Variants in MYLK observed in about 807,000 individuals in gnomAD.
The protein encoded by MYLK is myosin light chain kinase, also known as myosin light chain kinase, smooth muscle.
Under a neutral mutation model 203.4 loss-of-function variants are expected in MYLK, and 106 were observed. The ratio of observed to expected loss-of-function variants is 0.52; its 90% confidence interval spans 0.45 to 0.61. The LOEUF (loss-of-function observed/expected upper bound fraction) is 0.61. Ranked by LOEUF, MYLK falls within the 20% of genes least tolerant of loss-of-function variation. The pLI is 0.00. For synonymous variants in MYLK, 867 were observed against 959.5 expected, an observed-to-expected ratio of 0.90 and a Z score of 1.78; for missense variants, 2,072 against 2,442.3, an observed-to-expected ratio of 0.85 and a Z score of 3.20.
At position 123,708,864 on chromosome 3, in the gene MYLK, G is replaced by A. The variant is rs770227731; in HGVS notation, c.1974C>T (p.His658=). 1 of 1,614,140 alleles carries A rather than the reference G, an allele frequency of 6.2e-7. No individual in the cohort carries two copies. The highest frequency in any genetic ancestry group is 1.1e-5 in the South Asian group (1 of 91,088). ...CTGACTCTTGGATCTCATTCCCATT[G>A]TGCAGCCAGATGACTTCAGGGGGTG... ...GNPPPEVIWL[H]NGNEIQESED... is the part of the protein sequence containing the mutation. The change falls in exon 15 of 34, where the codon CAC becomes CAT. Residue 658 remains histidine, a synonymous_variant. Coordinates refer to ENST00000360304, the MANE Select transcript of MYLK (RefSeq NM_053025.4).
At chr3:123,696,753 G>A (rs544280556) in intron 18 of MYLK, among the ~76,000 whole-genome samples, 396 of 152,282 alleles carry the variant, frequency 2.6e-3, no homozygotes, top group Non-Finnish European at 4.0e-3. Context: ...AGTAGGCTCT[G>A]TATTTGTCTT....
rs1333437996 is a variant in MYLK at position 123,629,022 on chromosome 3, T to A, written c.5114+452A>T. ...CACTAAGCCAGAATAATAATAATAATCTGGGGATATGATCGGGACCCACAG... is the reference window on the plus strand; with the variant it reads ...CACTAAGCCAGAATAATAATAATAAACTGGGGATATGATCGGGACCCACAG... On this transcript the variant is annotated intron_variant, in intron 30 of 33. Transcript: ENST00000360304. The surrounding 1 kb of genome is among the most constrained non-coding windows in gnomAD (Gnocchi z 4.4). 6.6e-6 allele frequency among the ~76,000 whole-genome samples: 1 copy of A among 152,052 alleles called. No homozygotes were observed. The highest frequency in any genetic ancestry group is 2.4e-5 in the African/African-American group (1 of 41,374).
intron 4 of MYLK, among the ~76,000 whole-genome samples, chr3:123,771,353 G>A (rs566770041): frequency 1.4e-4 from 22 of 152,210 alleles, no homozygotes; most frequent in African/African-American, 4.8e-4. Context: ...CAGATCAGTG[G>A]TTAGAGTCCC....
intron 4 of MYLK, among the ~76,000 whole-genome samples, chr3:123,783,976 G>C (rs1476324441): frequency 6.6e-6 from 1 of 152,198 alleles, no homozygotes; most frequent in African/African-American, 2.4e-5. Context: ...TGCCTACAGA[G>C]GCTGGGCAGG....
chr3:123,728,115 C>G (rs1350880172), intron 11 of MYLK, among the ~76,000 whole-genome samples: 1 of 152,136 alleles, frequency 6.6e-6, no homozygotes, highest in African/African-American at 2.4e-5. Context: ...TCCATAAAAG[C>G]AACAACAATA....
At position 123,868,503 on chromosome 3, in the gene MYLK, A is replaced by G. The variant is rs112711503; in HGVS notation, c.-127+8056T>C. 3.5e-3 allele frequency among the ~76,000 whole-genome samples: 539 copies of G among 152,282 alleles called. 3 individuals are homozygous for G. The highest frequency in any genetic ancestry group is 0.011 in the South Asian group (54 of 4,824). On this transcript the variant is annotated intron_variant, in intron 2 of 33. Transcript: ENST00000360304. ...CCAAGCACTTTGCTTGGATTCTCTC[A>G]TCTAATCCTCACAAAAACTTTACAA...
At chr3:123,705,115 C>T (rs1441685984) in intron 16 of MYLK, among the ~76,000 whole-genome samples, 1 of 151,934 alleles carries the variant, frequency 6.6e-6, no homozygotes, top group African/African-American at 2.4e-5. Flanking sequence ...CAGGATCTGC[C>T]CACCCCTCTA....
In MYLK at chr3:123,735,417, C is replaced by G; in HGVS notation, c.755-1G>C. ...ACATACCTATTGGCACTGTCCAAACCTGGAAAAAGGGGGAAGGGTGGAAAG... is the reference window on the plus strand; with the variant it reads ...ACATACCTATTGGCACTGTCCAAACGTGGAAAAAGGGGGAAGGGTGGAAAG... On this transcript the variant is annotated splice_acceptor_variant, in intron 8 of 33. Transcript: ENST00000360304. LOFTEE classifies it high-confidence loss of function. The G allele has an allele frequency of 1.2e-6, 2 of 1,614,066 alleles. No homozygotes were observed. Among genetic ancestry groups the G allele is most frequent in the Non-Finnish European group, 1.7e-6 (2 of 1,179,986 alleles).
chr3:123,620,365 AG>A, intron 31 of MYLK, 29 bp from the exon 32 acceptor site: 3 of 1,613,836 alleles, frequency 1.9e-6, no homozygotes, highest in Non-Finnish European at 2.5e-6. Context: ...GGTTGGACTC[AG>A]GCGTTGTCCC....
At position 123,707,996 on chromosome 3, in the gene MYLK, G is replaced by T. The variant is rs141606539; in HGVS notation, c.2148C>A (p.His716Gln). ...TGATGAACCAGGGCTGGGTGCCATC[G>T]TGAGGCTCTGGAAATTGGCAAAGGG... ...TQAVLTVQEPHDGTQPWFISK... is the reference protein window; with the variant it reads ...TQAVLTVQEPQDGTQPWFISK... Residue 716 changes from histidine to glutamine, a missense_variant, in exon 16 of 34, where the codon CAC becomes CAA. This residue lies in a region of MYLK where 865 missense variants were observed against 1,016.0 expected (regional missense o/e 0.85). Transcript: ENST00000360304. 3 of 1,613,974 alleles carry T rather than the reference G, an allele frequency of 1.9e-6. No individual in the cohort carries two copies. Among genetic ancestry groups the T allele is most frequent in the Non-Finnish European group, 8.5e-7 (1 of 1,180,006 alleles).
chr3:123,858,293 A>G (rs1021492505), intron 2 of MYLK, among the ~76,000 whole-genome samples: 1 of 152,188 alleles, frequency 6.6e-6, no homozygotes, highest in African/African-American at 2.4e-5. Context: ...AAGGAAAGGA[A>G]AATAGGACTA....
At chr3:123,823,074 G>A (rs577075168) in intron 3 of MYLK, among the ~76,000 whole-genome samples, 2 of 152,286 alleles carry the variant, frequency 1.3e-5, no homozygotes, top group African/African-American at 2.4e-5. Context: ...TAAACACCTC[G>A]TGGCTGCACT....
chr3:123,649,007 A>T lies in MYLK; in HGVS notation c.4379T>A (p.Val1460Glu). 6.2e-7 allele frequency: 1 copy of T among 1,614,094 alleles called. No individual in the cohort carries two copies. The highest frequency in any genetic ancestry group is 1.1e-5 in the South Asian group (1 of 91,070). ...CTCCTCAATGTCGTAGAAGTCAGAT[A>T]CTTTTTGTTCAGTATTGATTGTCAC... ...RTVTINTEQK[V>E]SDFYDIEERL... The change falls in exon 26 of 34, where the codon GTA (valine) becomes GAA (glutamate). Residue 1460 changes from valine to glutamate, a missense_variant. Val to Glu is a moderately radical substitution (Grantham distance 121). Transcript: ENST00000360304.
In MYLK at chr3:123,839,126, A is replaced by C. The variant is rs111972763; in HGVS notation, c.-126-7456T>G. 2.9e-3 allele frequency among the ~76,000 whole-genome samples: 435 copies of C among 152,184 alleles called. 1 individual carries two copies. The highest frequency in any genetic ancestry group is 0.01 in the African/African-American group (419 of 41,542). On this transcript the variant is annotated intron_variant, in intron 2 of 33. Coordinates refer to ENST00000360304, the MANE Select transcript of MYLK (RefSeq NM_053025.4). Reference sequence around the variant, plus strand: ...ACAAAACAAACAAACAAATCTCAATAAATACAAAGGCAAGCAGAAAAAGAG... The same window carrying C: ...ACAAAACAAACAAACAAATCTCAATCAATACAAAGGCAAGCAGAAAAAGAG...
At chr3:123,745,823 T>C (rs1319585747) in intron 5 of MYLK, among the ~76,000 whole-genome samples, 1 of 152,144 alleles carries the variant, frequency 6.6e-6, no homozygotes, top group Non-Finnish European at 1.5e-5. Flanking sequence ...AGAAAAACAT[T>C]TAAAATACTT....
intron 2 of MYLK, among the ~76,000 whole-genome samples, chr3:123,865,205 T>A (rs2032244799): frequency 6.6e-6 from 1 of 152,248 alleles, no homozygotes; most frequent in Non-Finnish European, 1.5e-5. Context: ...ATACTCAGTG[T>A]CCTGTAACAA....
At position 123,793,697 on chromosome 3, in the gene MYLK, T is replaced by C. The variant is rs1276195216; in HGVS notation, c.145A>G (p.Thr49Ala). The change falls in exon 4 of 34, where the codon ACC (threonine) becomes GCC (alanine). Residue 49 changes from threonine to alanine, a missense_variant. Coordinates refer to ENST00000360304, the MANE Select transcript of MYLK (RefSeq NM_053025.4). ...CTTACCCGCCCTTCGAACTTGGCGG[T>C]GGCTCCTTCTTTGATGCAGAGGTTC... ...PRNLCIKEGA[T>A]AKFEGRVRGY... 4 of 1,613,976 alleles carry C rather than the reference T, an allele frequency of 2.5e-6. No homozygotes were observed. The highest frequency in any genetic ancestry group is 3.4e-6 in the Non-Finnish European group (4 of 1,179,998).
chr3:123,630,360 T>C (rs192128118), intron 29 of MYLK: 17 of 152,396 alleles, frequency 1.1e-4, no homozygotes, highest in African/African-American at 3.6e-4. Context: ...ATCCTCATCA[T>C]CATCATGATG....
chr3:123,857,685 A>G (rs1214530577), intron 2 of MYLK, among the ~76,000 whole-genome samples: 2 of 151,426 alleles, frequency 1.3e-5, no homozygotes, highest in East Asian at 3.9e-4. Flanking sequence ...ATTGGGAGAT[A>G]TACCTAATGC....
Sources: gnomAD v4.1 joint callset for allele counts (sites outside exome capture counted in the v4.1 genomes callset) on GRCh38, gnomAD v4.1.1 for gene constraint, gnomAD v4.1.1 regional missense constraint, Gnocchi (gnomAD v3.1) non-coding constraint, MANE v1.5 for transcripts, NCBI Gene and HGNC (gene_info 2026-07-23, HGNC 2026-07-21) for gene names.